Variants in FIP1L1 observed in about 807,000 individuals in gnomAD.
FIP1L1 encodes factor interacting with PAPOLA and CPSF1.
FIP1L1 carries 21 observed loss-of-function variants against 84.6 expected under a neutral mutation model. That is an observed-to-expected ratio of 0.25 (90% CI 0.18 to 0.36). The LOEUF is 0.36. Among genes scored for constraint, FIP1L1 ranks in the 10% least tolerant of loss-of-function variants. The pLI is 1.00. For synonymous variants in FIP1L1, 263 were observed against 242.3 expected (o/e 1.09, Z -0.80); for missense variants, 526 against 751.1 (o/e 0.70, Z 3.50).
intron 13 of FIP1L1, among the ~76,000 whole-genome samples, chr4:53,437,744 G>T (rs536218682): frequency 2.0e-5 from 3 of 151,020 alleles, no homozygotes; most frequent in African/African-American, 7.3e-5. Flanking sequence ...TTATTTTTTT[G>T]AGATGGAGTC....
intron 16 of FIP1L1, among the ~76,000 whole-genome samples, chr4:53,454,729 C>A (rs577318500): frequency 6.6e-6 from 1 of 152,250 alleles, no homozygotes; most frequent in South Asian, 2.1e-4. Flanking sequence ...GCACCAACTT[C>A]AACTTAAAAA....
intron 13 of FIP1L1, among the ~76,000 whole-genome samples, chr4:53,433,622 G>C (rs1319944714): frequency 6.6e-6 from 1 of 152,044 alleles, no homozygotes; most frequent in Non-Finnish European, 1.5e-5. Flanking sequence ...TAGTTCTGTG[G>C]GTCTTGGGAA....
chr4:53,433,723 A>C (rs1483368429), intron 13 of FIP1L1, among the ~76,000 whole-genome samples: 1 of 152,172 alleles, frequency 6.6e-6, no homozygotes, highest in Non-Finnish European at 1.5e-5. Flanking sequence ...GTGGACCACA[A>C]ACCAGGATCC....
At chr4:53,378,695 T>G (rs1157230317) in intron 1 of FIP1L1, 2 of 209,732 alleles carry the variant, frequency 9.5e-6, no homozygotes, top group Admixed American at 1.1e-4. Context: ...TGACATCTGG[T>G]TTTTAACTTT....
chr4:53,433,330 G>A, intron 13 of FIP1L1, among the ~76,000 whole-genome samples: 1 of 152,002 alleles, frequency 6.6e-6, no homozygotes, highest in East Asian at 1.9e-4. Context: ...TCTACTTTTT[G>A]TCTCTATGAG....
intron 15 of FIP1L1, among the ~76,000 whole-genome samples, chr4:53,449,592 C>T (rs527393870): frequency 1.3e-5 from 2 of 152,096 alleles, no homozygotes; most frequent in South Asian, 2.1e-4. Flanking sequence ...TTTATTTATA[C>T]TGCCCTTACC....
At chr4:53,421,616 A>C (rs1762463780) in intron 11 of FIP1L1, among the ~76,000 whole-genome samples, 1 of 152,218 alleles carries the variant, frequency 6.6e-6, no homozygotes, top group Admixed American at 6.5e-5. Flanking sequence ...AGATAGCCAC[A>C]TTCTAGGCTT....
chr4:53,384,140 G>C (rs1436311466), intron 5 of FIP1L1, among the ~76,000 whole-genome samples: 2 of 152,194 alleles, frequency 1.3e-5, no homozygotes, highest in Non-Finnish European at 2.9e-5. Context: ...CAGGCATAGA[G>C]GTTCATGCCT....
At position 53,390,105 on chromosome 4, in the gene FIP1L1, ATTTTTGTATT is replaced by A. The variant is rs567748935; in HGVS notation, c.397+236_397+245del. 1.4e-4 allele frequency among the ~76,000 whole-genome samples: 21 copies of A among 152,026 alleles called. No individual in the cohort carries two copies. In the East Asian group the frequency reaches 3.5e-3, roughly 25 times the overall value. The stretch of plus-strand genomic sequence containing the variant: ...GGGCGTGCACCACCATGCTTGGCCA[ATTTTTGTATT>A]TTTATGTAGAGACCAGGTCTCACCA... On this transcript the variant is annotated intron_variant, in intron 6 of 17. Transcript: ENST00000337488.
At chr4:53,440,848 A>T in intron 13 of FIP1L1, 3 of 452,576 alleles carry the variant, frequency 6.6e-6, no homozygotes, top group Non-Finnish European at 1.2e-5. Flanking sequence ...TTACCTATTC[A>T]ATTTGTGAAG....
chr4:53,391,266 C>A, intron 8 of FIP1L1, 127 bp downstream of exon 8: 2 of 1,253,928 alleles, frequency 1.6e-6, no homozygotes, highest in Non-Finnish European at 2.2e-6. Flanking sequence ...ATTTTGTTTA[C>A]CATGTTTGTT....
intron 13 of FIP1L1, among the ~76,000 whole-genome samples, chr4:53,432,925 A>G (rs148886058): frequency 9.5e-4 from 145 of 152,196 alleles, no homozygotes; most frequent in African/African-American, 3.4e-3. Flanking sequence ...ATGCATACGT[A>G]TTTGTGGGTA....
chr4:53,445,337 G>C (rs1773736906), intron 15 of FIP1L1, among the ~76,000 whole-genome samples: 1 of 152,154 alleles, frequency 6.6e-6, no homozygotes, highest in Non-Finnish European at 1.5e-5. Flanking sequence ...GCAATAAGAA[G>C]TTGTGGAACA....
intron 11 of FIP1L1, among the ~76,000 whole-genome samples, chr4:53,415,178 C>T (rs1289275251): frequency 2.6e-5 from 4 of 152,138 alleles, no homozygotes; most frequent in South Asian, 2.1e-4. Context: ...ATTAAGCAGA[C>T]GTAGTAGCTG....
chr4:53,384,674 G>A (rs1394824413), intron 5 of FIP1L1, among the ~76,000 whole-genome samples: 6 of 152,192 alleles, frequency 3.9e-5, no homozygotes, highest in East Asian at 3.8e-4. Context: ...CAAGTAAATG[G>A]ACTGTCATTG....
At chr4:53,383,664 G>C in intron 4 of FIP1L1, 109 bp from the exon 5 acceptor site, 1 of 1,106,812 alleles carries the variant, frequency 9.0e-7, no homozygotes, top group Non-Finnish European at 1.2e-6. Context: ...TCTGTCTCAA[G>C]ACAGAAGAAA....
At position 53,407,251 on chromosome 4, in the gene FIP1L1, T is replaced by C. The variant is rs530607327; in HGVS notation, c.816-7364T>C. ...TTTCAAAGAACATCTTTATTTCTGC[T>C]TTCATTTCATTATTTACCCAGTAGT... On this transcript the variant is annotated intron_variant, in intron 10 of 17. Transcript: ENST00000337488. Among the ~76,000 whole-genome samples, 22 of 152,288 alleles carry C rather than the reference T, an allele frequency of 1.4e-4. No individual in the cohort carries two copies. The South Asian group carries it at 1.9e-3, about 13-fold the overall frequency.
intron 11 of FIP1L1, among the ~76,000 whole-genome samples, chr4:53,422,031 G>T (rs1157024498): frequency 1.3e-5 from 2 of 152,090 alleles, no homozygotes; most frequent in Non-Finnish European, 2.9e-5. Flanking sequence ...TTATTGAATT[G>T]GGCATTGTTG....
Position 53,425,960 on chromosome 4 carries a change from A to G in FIP1L1, c.1012A>G (p.Ile338Val). Residue 338 changes from isoleucine to valine, a missense_variant, in exon 12 of 18, where the codon ATA (isoleucine) becomes GTA (valine). Physicochemically the swap from Ile to Val is conservative, Grantham distance 29 (BLOSUM62 3). This residue lies in a region of FIP1L1 where 80 missense variants were observed against 151.1 expected (regional missense o/e 0.53). Coordinates refer to ENST00000337488, the MANE Select transcript of FIP1L1 (RefSeq NM_030917.4). ...GCGACGGGCAAATGAGAACAGCAAC[A>G]TACAGGTTTAGTATTTTAAAATAAA... ...GRRRANENSN[I>V]QVLSERSATE... The G allele has an allele frequency of 6.2e-7, 1 of 1,606,782 alleles. No homozygotes were observed.
Sources: gnomAD v4.1 joint callset for allele counts (sites outside exome capture counted in the v4.1 genomes callset) on GRCh38, gnomAD v4.1.1 for gene constraint, gnomAD v4.1.1 regional missense constraint, MANE v1.5 for transcripts, NCBI Gene and HGNC (gene_info 2026-07-23, HGNC 2026-07-21) for gene names.